Variants in TACC2 observed in about 807,000 individuals in gnomAD.
The protein encoded by TACC2 is transforming acidic coiled-coil containing protein 2.
A neutral mutation model predicts 227.3 loss-of-function variants in TACC2; 137 were observed. The ratio of observed to expected loss-of-function variants is 0.60; its 90% CI spans 0.52 to 0.69. TACC2 has a LOEUF of 0.69. Ranked by LOEUF, TACC2 falls within the 30% of genes least tolerant of loss-of-function variation. The probability of loss-of-function intolerance (pLI) is 0.00; values close to 1 mark genes in which losing one functional copy is unlikely to be tolerated. For synonymous variants in TACC2, 1,523 were observed against 1,487.5 expected (o/e 1.02, Z -0.55); for missense variants, 3,470 against 3,694.4 (o/e 0.94, Z 1.57).
intron 3 of TACC2, among the ~76,000 whole-genome samples, chr10:122,067,512 T>G (rs2077512998): frequency 6.7e-6 from 1 of 149,614 alleles, no homozygotes; most frequent in Non-Finnish European, 1.5e-5. Flanking sequence ...TTCTGGTTTT[T>G]TTTTTTTTTT....
intron 1 of TACC2, among the ~76,000 whole-genome samples, chr10:121,993,910 A>G (rs1051605980): frequency 1.3e-5 from 2 of 152,178 alleles, no homozygotes; most frequent in Admixed American, 1.3e-4. Context: ...CTGAGATTAT[A>G]TAGACGTAAG....
intron 5 of TACC2, among the ~76,000 whole-genome samples, chr10:122,130,247 C>T (rs1426762133): frequency 1.3e-5 from 2 of 152,222 alleles, no homozygotes; most frequent in South Asian, 2.1e-4. Context: ...CTGCCCACCT[C>T]GGCCTCCCAA....
chr10:122,074,661 C>T (rs11200380), intron 3 of TACC2, among the ~76,000 whole-genome samples: 9,817 of 152,062 alleles, frequency 0.065, 357 homozygotes, highest in Middle Eastern at 0.1. Flanking sequence ...GGAGAGAATT[C>T]TGACCATTCA....
chr10:122,253,798 G>A (rs1339497219), intron 22 of TACC2, among the ~76,000 whole-genome samples, 193 bp from the exon 23 acceptor site: 1 of 152,234 alleles, frequency 6.6e-6, no homozygotes, highest in African/African-American at 2.4e-5. Flanking sequence ...CAGAGAGGTT[G>A]TGTAACTTGT....
chr10:122,161,563 C>T (rs1216263370), intron 7 of TACC2, among the ~76,000 whole-genome samples: 2 of 152,250 alleles, frequency 1.3e-5, no homozygotes, highest in Non-Finnish European at 2.9e-5. Flanking sequence ...ACACAGCTAA[C>T]GAGGGAGAAG....
chr10:122,237,020 A>G (rs755454683), intron 16 of TACC2, among the ~76,000 whole-genome samples: 15 of 152,242 alleles, frequency 9.9e-5, no homozygotes, highest in Non-Finnish European at 1.5e-4. Flanking sequence ...ATTATTCACC[A>G]TTGAGATCTC....
At chr10:122,026,982 G>C (rs1958113598) in intron 2 of TACC2, among the ~76,000 whole-genome samples, 1 of 152,164 alleles carries the variant, frequency 6.6e-6, no homozygotes, top group South Asian at 2.1e-4. Flanking sequence ...AGATACCAGC[G>C]AGCGTGATTG....
At chr10:122,188,719 AC>A (rs2094303421) in intron 7 of TACC2, among the ~76,000 whole-genome samples, 1 of 152,206 alleles carries the variant, frequency 6.6e-6, no homozygotes, top group Admixed American at 6.5e-5. Context: ...TGCTGCTATA[AC>A]CTAGCGATGG....
chr10:122,218,928 G>A (rs1030308584), intron 11 of TACC2, among the ~76,000 whole-genome samples: 3 of 148,938 alleles, frequency 2.0e-5, no homozygotes, highest in Non-Finnish European at 4.4e-5. Flanking sequence ...AAGCTGAGGC[G>A]GGAGGATTGC....
At chr10:122,070,614 G>A (rs536738910) in intron 3 of TACC2, among the ~76,000 whole-genome samples, 14 of 152,206 alleles carry the variant, frequency 9.2e-5, no homozygotes, top group African/African-American at 2.2e-4. Flanking sequence ...TTAGCTGGGC[G>A]TGTTGGCACA....
chr10:122,045,118 G>A (rs536508926), intron 2 of TACC2, among the ~76,000 whole-genome samples: 2 of 152,246 alleles, frequency 1.3e-5, no homozygotes, highest in African/African-American at 4.8e-5. Flanking sequence ...TACGTCTTTC[G>A]ATTTGCAGAC....
At chr10:122,024,931 A>G (rs1027508096) in intron 2 of TACC2, among the ~76,000 whole-genome samples, 4 of 152,196 alleles carry the variant, frequency 2.6e-5, no homozygotes, top group Admixed American at 1.3e-4. Context: ...TAAACGCCCA[A>G]GTGTGCAGTT....
intron 5 of TACC2, among the ~76,000 whole-genome samples, chr10:122,097,084 G>A (rs1368628858): frequency 6.6e-6 from 1 of 151,990 alleles, no homozygotes; most frequent in Non-Finnish European, 1.5e-5. Flanking sequence ...TCAGCACTTT[G>A]AGAGGCTGAG....
At chr10:122,200,921 TGTTC>T (rs2094796550) in intron 8 of TACC2, among the ~76,000 whole-genome samples, 1 of 115,144 alleles carries the variant, frequency 8.7e-6, no homozygotes, top group Non-Finnish European at 1.8e-5. Flanking sequence ...ACAGTGGCTG[TGTTC>T]ACACGGGGAG....
In TACC2 at chr10:122,005,054, G is replaced by A. The variant is rs545106697; in HGVS notation, c.-46+15566G>A. 4.6e-5 allele frequency among the ~76,000 whole-genome samples: 7 copies of A among 151,976 alleles called. No individual in the cohort carries two copies. In the East Asian group the frequency reaches 1.4e-3, roughly 29 times the overall value. On this transcript the variant is annotated intron_variant, in intron 1 of 22. Coordinates refer to ENST00000369005, the MANE Select transcript of TACC2 (RefSeq NM_206862.4). The stretch of plus-strand genomic sequence containing the variant: ...AGATTCCTCAAGACTGAATCTCATG[G>A]GTGTAGAATTCAGTAAGTTACTGTA...
chr10:122,222,285 A>G (rs1185159914), intron 11 of TACC2, among the ~76,000 whole-genome samples: 3 of 152,248 alleles, frequency 2.0e-5, no homozygotes, highest in Admixed American at 2.0e-4. Context: ...TGTTTTCTCA[A>G]AATAGCAGAG....
intron 5 of TACC2, among the ~76,000 whole-genome samples, chr10:122,090,645 A>G (rs2137273977): frequency 6.6e-6 from 1 of 151,778 alleles, no homozygotes; most frequent in Non-Finnish European, 1.5e-5. Flanking sequence ...ATTTTAGTAT[A>G]TTTTCATTTT....
Position 122,087,183 on chromosome 10 carries a change from T to C in TACC2, c.4683T>C (p.Pro1561=), listed in dbSNP as rs748735038. ...RSRQELASGL[P]SPAATQELPV... Reference sequence around the variant, plus strand: ...GGCAGGAATTAGCTTCAGGTCTTCCTTCACCAGCAGCTACTCAGGAGCTCC... The same window carrying C: ...GGCAGGAATTAGCTTCAGGTCTTCCCTCACCAGCAGCTACTCAGGAGCTCC... The change falls in exon 4 of 23, where the codon CCT becomes CCC. Residue 1561 remains proline (P), a synonymous_variant. Transcript: ENST00000369005. 3.7e-6 allele frequency: 6 copies of C among 1,611,794 alleles called. No individual in the cohort carries two copies. In the African/African-American group the frequency reaches 4.0e-5, roughly 11 times the overall value.
chr10:122,061,556 G>A (rs930382370), intron 3 of TACC2, among the ~76,000 whole-genome samples: 1 of 152,128 alleles, frequency 6.6e-6, no homozygotes, highest in Non-Finnish European at 1.5e-5. Context: ...TGAGAGAAAA[G>A]CAGAGTTCTC....
Sources: allele counts gnomAD v4.1 joint callset (sites outside exome capture counted in the v4.1 genomes callset), GRCh38; gene constraint gnomAD v4.1.1; transcripts MANE v1.5; gene names NCBI Gene and HGNC (gene_info 2026-07-23, HGNC 2026-07-21).